SPEN: variants seen among roughly 807,000 people sequenced by gnomAD.
The protein encoded by SPEN is msx2-interacting protein.
SPEN carries 18 observed loss-of-function variants against 269.9 expected under a neutral mutation model. The ratio of observed to expected loss-of-function variants is 0.07; its 90% confidence interval spans 0.05 to 0.10. The LOEUF (loss-of-function observed/expected upper bound fraction) is 0.10, where lower values mean the gene tolerates loss of function less well. Among genes scored for constraint, SPEN ranks in the 10% least tolerant of loss-of-function variants. SPEN has a pLI of 1.00. For missense variants in SPEN, 3,822 were observed against 4,631.2 expected (o/e 0.83, Z 5.07); for synonymous variants, 1,726 against 1,765.7 (o/e 0.98, Z 0.56).
chr1:15,894,533 G>GTGGTTTT (rs1557746623), intron 3 of SPEN, among the ~76,000 whole-genome samples: 1 of 136,014 alleles, frequency 7.4e-6, no homozygotes. Flanking sequence ...CCATATTATG[G>GTGGTTTT]TTGTTTTTTT....
At chr1:15,899,927 C>T (rs778657570) in intron 3 of SPEN, among the ~76,000 whole-genome samples, 8 of 151,972 alleles carry the variant, frequency 5.3e-5, no homozygotes, top group Non-Finnish European at 7.4e-5. Context: ...CTCACTGCAA[C>T]CTCTGCCTCC....
chr1:15,937,075 C>T lies in SPEN; in HGVS notation c.10027-88C>T, dbSNP rs2071282245. 1 of 1,517,180 alleles carries T rather than the reference C, an allele frequency of 6.6e-7. No individual in the cohort carries two copies. The highest frequency in any genetic ancestry group is 8.9e-7 in the Non-Finnish European group (1 of 1,124,884). The allele number at this position is 1,517,180 out of a possible 1,614,324, so 94.0% of individuals were successfully genotyped here. ...CGGGAGATGCCACATCTTATCCTTT[C>T]CCTGTGGCCCTTTGGGTCATTTGTT... On this transcript the variant is annotated intron_variant, in intron 11 of 14. Coordinates refer to ENST00000375759, the MANE Select transcript of SPEN (RefSeq NM_015001.3). This position sits in a 1 kb window ranked among gnomAD's most constrained non-coding sequence, Gnocchi z 5.7.
chr1:15,875,859 A>G (rs1486317136), intron 2 of SPEN, among the ~76,000 whole-genome samples: 2 of 152,204 alleles, frequency 1.3e-5, no homozygotes, highest in Admixed American at 6.5e-5. Flanking sequence ...AAAAACTTTC[A>G]TATTATTAAA....
At chr1:15,870,153 A>G (rs563822354) in intron 1 of SPEN, among the ~76,000 whole-genome samples, 3 of 152,258 alleles carry the variant, frequency 2.0e-5, no homozygotes, top group South Asian at 4.1e-4. Flanking sequence ...TACAGGTGTG[A>G]GCCACCATGC....
chr1:15,904,479 T>TAAAAAAAAAAAAA (rs1557750239), intron 3 of SPEN, among the ~76,000 whole-genome samples: 39 of 81,108 alleles, frequency 4.8e-4, no homozygotes, highest in South Asian at 8.8e-4. Flanking sequence ...AAAAAAAAAG[T>TAAAAAAAAAAAAA]GAACTAAAAA....
At chr1:15,910,268 G>A in intron 4 of SPEN, among the ~76,000 whole-genome samples, 1 of 152,014 alleles carries the variant, frequency 6.6e-6, no homozygotes, top group Non-Finnish European at 1.5e-5. Flanking sequence ...ATGGACAAGG[G>A]AGTAAAATTG....
In SPEN at chr1:15,934,452, G is replaced by T. The variant is rs778508148; in HGVS notation, c.8212G>T (p.Ala2738Ser). 2.2e-5 allele frequency: 36 copies of T among 1,613,900 alleles called. No homozygotes were observed. In the Admixed American group the frequency reaches 5.7e-4, roughly 25 times the overall value. ...GAGTGCAGTGAATGCCACAGCAAGT[G>T]CAGTGACCGTCACAGCGGGTGCGGT... ...AASAVNATAS[A>S]VTVTAGAVTA... The change falls in exon 11 of 15, where the codon GCA becomes TCA. Residue 2738 changes from alanine (A) to serine (S), a missense_variant. Around this residue, in one of 16 missense-constraint regions of SPEN, gnomAD observed 329 missense variants for 431.2 expected, o/e 0.76. Coordinates refer to ENST00000375759, the MANE Select transcript of SPEN (RefSeq NM_015001.3). This position sits in a 1 kb window ranked among gnomAD's most constrained non-coding sequence, Gnocchi z 9.2.
In SPEN at chr1:15,937,779, G is replaced by T. The variant is rs746605753; in HGVS notation, c.10510-33G>T. ...CCAGCATGGCTCAGCGAGGGGCCAT[G>T]AGCTCACTTCCTGTTTGTTTCCCTG... On this transcript the variant is annotated intron_variant, in intron 12 of 14. Coordinates refer to ENST00000375759, the MANE Select transcript of SPEN (RefSeq NM_015001.3). The surrounding 1 kb of genome is among the most constrained non-coding windows in gnomAD (Gnocchi z 5.7). The T allele has an allele frequency of 6.2e-7, 1 of 1,612,584 alleles. No individual in the cohort carries two copies. Among genetic ancestry groups the T allele is most frequent in the African/African-American group, 1.3e-5 (1 of 74,944 alleles).
chr1:15,915,652 C>T (rs1479682523), intron 5 of SPEN, among the ~76,000 whole-genome samples: 1 of 152,108 alleles, frequency 6.6e-6, no homozygotes, highest in East Asian at 1.9e-4. Context: ...CTCCCACCTC[C>T]GCTTCCCAAA....
chr1:15,924,496 C>T (rs1278500673), intron 10 of SPEN, among the ~76,000 whole-genome samples: 6 of 151,740 alleles, frequency 4.0e-5, no homozygotes, highest in South Asian at 2.1e-4. Flanking sequence ...GTTTCCCTTT[C>T]GTTGCCCAGG....
intron 1 of SPEN, among the ~76,000 whole-genome samples, chr1:15,870,508 CT>C (rs1553175062): frequency 6.6e-6 from 1 of 152,146 alleles, no homozygotes; most frequent in Non-Finnish European, 1.5e-5. Context: ...TAGAAATTAA[CT>C]GGGCAAAGAG....
intron 1 of SPEN, among the ~76,000 whole-genome samples, chr1:15,851,776 A>G (rs1202315368): frequency 2.6e-5 from 4 of 152,146 alleles, no homozygotes; most frequent in Non-Finnish European, 4.4e-5. Context: ...CGAAGTCAAG[A>G]GTTCAAGACC....
rs780919589 is a variant in SPEN, at chr1:15,932,495, A to G, written c.6255A>G (p.Leu2085=). Residue 2085 remains leucine (L), a synonymous_variant, in exon 11 of 15, where the codon TTA becomes TTG. Transcript: ENST00000375759. The surrounding 1 kb of genome is among the most constrained non-coding windows in gnomAD (Gnocchi z 4.2). ...SKRGRSRNSR[L]AVDKSASLKN... ...GAGGAAGATCTCGAAACTCCAGGTTAGCAGTGGACAAATCTGCAAGTCTGA... is the reference window on the plus strand; with the variant it reads ...GAGGAAGATCTCGAAACTCCAGGTTGGCAGTGGACAAATCTGCAAGTCTGA... The G allele has an allele frequency of 1.1e-4, 184 of 1,607,742 alleles. 2 individuals carry two copies. The East Asian group carries it at 4.1e-3, about 36-fold the overall frequency.
intron 3 of SPEN, among the ~76,000 whole-genome samples, chr1:15,882,610 A>G (rs1411542800): frequency 6.6e-6 from 1 of 152,240 alleles, no homozygotes; most frequent in Non-Finnish European, 1.5e-5. Flanking sequence ...CAGTGAGCCA[A>G]GATCGTACCA....
Position 15,932,467 on chromosome 1 carries a change from A to G in SPEN, c.6227A>G (p.Lys2076Arg). 1.2e-6 allele frequency: 2 copies of G among 1,611,684 alleles called. No homozygotes were observed. The highest frequency in any genetic ancestry group is 8.5e-7 in the Non-Finnish European group (1 of 1,179,278). Residue 2076 changes from lysine (K) to arginine (R), a missense_variant, in exon 11 of 15, where the codon AAG becomes AGG. Around this residue, in one of 16 missense-constraint regions of SPEN, gnomAD observed 727 missense variants for 737.9 expected, o/e 0.99. Transcript: ENST00000375759. This position sits in a 1 kb window ranked among gnomAD's most constrained non-coding sequence, Gnocchi z 4.2. Reference protein sequence around the residue: ...KPAPEKNSKSKRGRSRNSRLA... With the variant: ...KPAPEKNSKSRRGRSRNSRLA... ...GCCCCTGAAAAAAACTCCAAATCAA[A>G]GAGAGGAAGATCTCGAAACTCCAGG...
At chr1:15,926,362 C>T (rs1018219048) in intron 10 of SPEN, among the ~76,000 whole-genome samples, 2 of 151,306 alleles carry the variant, frequency 1.3e-5, no homozygotes, top group African/African-American at 4.9e-5. Flanking sequence ...TGTGCCACTG[C>T]ACTCCAGCTC....
chr1:15,921,385 G>T (rs1045756104), intron 9 of SPEN, among the ~76,000 whole-genome samples: 1 of 152,156 alleles, frequency 6.6e-6, no homozygotes, highest in African/African-American at 2.4e-5. Flanking sequence ...GCCAGCCAGG[G>T]GAGTGGTTTA....
intron 3 of SPEN, among the ~76,000 whole-genome samples, chr1:15,902,001 T>C (rs1387532318): frequency 6.7e-6 from 1 of 148,858 alleles, no homozygotes; most frequent in Non-Finnish European, 1.5e-5. Context: ...TGATTTCGGC[T>C]CGCTGCAACC....
At position 15,876,136 on chromosome 1, in the gene SPEN, G is replaced by T. The variant is rs1047295897; in HGVS notation, c.405-66G>T. The T allele has an allele frequency of 2.4e-6, 3 of 1,246,604 alleles. No individual in the cohort carries two copies. In the Middle Eastern group the frequency reaches 6.9e-4, roughly 285 times the overall value. The allele number at this position is 1,246,604 out of a possible 1,614,324, so 77.2% of individuals were successfully genotyped here. A position where few individuals can be genotyped will look rare whatever the true frequency, so the allele number is the denominator to read the frequency against. On this transcript the variant is annotated intron_variant, in intron 2 of 14. Transcript: ENST00000375759. ...AAAGACAATGCTGAAGTGAATGTTT[G>T]CATGACTTGCTTTTAGTTTTGCTTG... is the stretch of plus-strand genomic sequence containing the variant.
Sources: allele counts gnomAD v4.1 joint callset (sites outside exome capture counted in the v4.1 genomes callset), GRCh38; gene constraint gnomAD v4.1.1; regional missense constraint gnomAD v4.1.1; non-coding constraint Gnocchi (gnomAD v3.1); transcripts MANE v1.5; gene names NCBI Gene and HGNC (gene_info 2026-07-23, HGNC 2026-07-21).